The following SLC9A1 variants were observed in gnomAD, a reference collection of about 807,000 sequenced individuals.
SLC9A1 encodes solute carrier family 9 member A1.
Under a neutral mutation model 67.9 loss-of-function variants are expected in SLC9A1, and 22 were observed. That is an observed-to-expected ratio of 0.32 (90% CI 0.23 to 0.46). SLC9A1 has a LOEUF of 0.46. Ranked by LOEUF, SLC9A1 falls within the 20% of genes least tolerant of loss-of-function variation. SLC9A1 has a pLI of 1.00. For synonymous variants in SLC9A1, 421 were observed against 471.8 expected (o/e 0.89, Z 1.40); for missense variants, 686 against 1,094.8 (o/e 0.63, Z 5.27).
chr1:27,130,262 G>A (rs1330039732), intron 1 of SLC9A1, among the ~76,000 whole-genome samples: 2 of 152,100 alleles, frequency 1.3e-5, no homozygotes, highest in East Asian at 1.9e-4. Flanking sequence ...CACCACACTC[G>A]GTTAATTTTT....
intron 1 of SLC9A1, among the ~76,000 whole-genome samples, chr1:27,134,296 C>CAGATA (rs2083404892): frequency 6.6e-6 from 1 of 152,172 alleles, no homozygotes; most frequent in Non-Finnish European, 1.5e-5. Context: ...AGTTTCCTCA[C>CAGATA]AGATAAGATG....
chr1:27,123,196 T>C (rs2083316740), intron 1 of SLC9A1, among the ~76,000 whole-genome samples: 1 of 152,172 alleles, frequency 6.6e-6, no homozygotes, highest in Non-Finnish European at 1.5e-5. Context: ...GTCATTAAAA[T>C]TTTTTTCTAA....
chr1:27,103,454 C>G lies in SLC9A1; in HGVS notation c.1486-142G>C, dbSNP rs571283053. On this transcript the variant is annotated intron_variant, in intron 5 of 11. Coordinates refer to ENST00000263980, the MANE Select transcript of SLC9A1 (RefSeq NM_003047.5). The stretch of plus-strand genomic sequence containing the variant: ...CTCCCAGGACCCAAGGGTGTGAGAA[C>G]TCTCCCACCTCCCAGCACTTATCTA... The G allele has an allele frequency of 1.7e-5, 12 of 688,586 alleles. No individual in the cohort carries two copies. In the African/African-American group the frequency reaches 1.8e-4, roughly 10 times the overall value. The allele number at this position is 688,586 out of a possible 1,614,324, so 42.7% of individuals were successfully genotyped here.
At position 27,137,313 on chromosome 1, in the gene SLC9A1, A is replaced by C. The variant is rs142199051; in HGVS notation, c.352+16670T>G. 3.6e-3 allele frequency among the ~76,000 whole-genome samples: 542 copies of C among 152,312 alleles called. 1 individual carries two copies. The highest frequency in any genetic ancestry group is 6.9e-3 in the Admixed American group (105 of 15,310). On this transcript the variant is annotated intron_variant, in intron 1 of 11. Coordinates refer to ENST00000263980, the MANE Select transcript of SLC9A1 (RefSeq NM_003047.5). This position sits in a 1 kb window ranked among gnomAD's most constrained non-coding sequence, Gnocchi z 4.6. Reference sequence around the variant, plus strand: ...AGCATCACAGGAGAGCCTGGACTAGAGGTCGGGGAGCTGAGCTCAATGCAG... The same window carrying C: ...AGCATCACAGGAGAGCCTGGACTAGCGGTCGGGGAGCTGAGCTCAATGCAG...
At chr1:27,116,249 A>G (rs886708966) in intron 1 of SLC9A1, among the ~76,000 whole-genome samples, 2 of 152,134 alleles carry the variant, frequency 1.3e-5, no homozygotes, top group South Asian at 2.1e-4. Context: ...ATTCCCAGCT[A>G]CTTGGGAGGC....
rs2083117284 is a variant in SLC9A1, at chr1:27,098,959, G to A, written c.*1348C>T. 6.5e-6 allele frequency: 1 copy of A among 152,686 alleles called. No individual in the cohort carries two copies. Among genetic ancestry groups the A allele is most frequent in the Admixed American group, 6.5e-5 (1 of 15,282 alleles). The allele number at this position is 152,686 out of a possible 1,614,324, so 9.5% of individuals were successfully genotyped here. ...ACTCCTGCCCAAACAGCACTTGCATGGAGAGGAGGATGGACAGATGGGCCG... is the reference window on the plus strand; with the variant it reads ...ACTCCTGCCCAAACAGCACTTGCATAGAGAGGAGGATGGACAGATGGGCCG... On this transcript the variant is annotated 3_prime_UTR_variant, in exon 12 of 12. Coordinates refer to ENST00000263980, the MANE Select transcript of SLC9A1 (RefSeq NM_003047.5).
chr1:27,146,202 AG>A (rs1371938116), intron 1 of SLC9A1, among the ~76,000 whole-genome samples: 1 of 152,144 alleles, frequency 6.6e-6, no homozygotes, highest in Non-Finnish European at 1.5e-5. Flanking sequence ...TCAGGAGGAA[AG>A]GGGGCAGGTG....
intron 1 of SLC9A1, among the ~76,000 whole-genome samples, chr1:27,128,146 C>T (rs1166716352): frequency 2.0e-5 from 3 of 152,214 alleles, no homozygotes; most frequent in Non-Finnish European, 2.9e-5. Flanking sequence ...GAGGCAGCAG[C>T]GGGCAGCGTA....
At chr1:27,139,213 G>A (rs1204658934) in intron 1 of SLC9A1, among the ~76,000 whole-genome samples, 1 of 152,098 alleles carries the variant, frequency 6.6e-6, no homozygotes, top group Non-Finnish European at 1.5e-5. Flanking sequence ...AGCCTTAACC[G>A]GTGTCACGGC....
At chr1:27,125,653 G>A (rs988939591) in intron 1 of SLC9A1, among the ~76,000 whole-genome samples, 5 of 151,518 alleles carry the variant, frequency 3.3e-5, no homozygotes, top group African/African-American at 1.2e-4. Context: ...GGAGTGCAGT[G>A]GCGCAATCTT....
intron 1 of SLC9A1, among the ~76,000 whole-genome samples, chr1:27,146,690 G>T (rs1043492236): frequency 6.6e-6 from 1 of 151,908 alleles, no homozygotes; most frequent in African/African-American, 2.4e-5. Context: ...GAGGTGGGGG[G>T]ATTGCCTGGA....
chr1:27,140,280 C>T (rs937630615), intron 1 of SLC9A1, among the ~76,000 whole-genome samples: 1 of 152,082 alleles, frequency 6.6e-6, no homozygotes, highest in African/African-American at 2.4e-5. Context: ...TATATTTATC[C>T]ATCTTTCCAT....
intron 1 of SLC9A1, among the ~76,000 whole-genome samples, chr1:27,123,993 T>C (rs2083323921): frequency 6.6e-6 from 1 of 152,116 alleles, no homozygotes; most frequent in East Asian, 1.9e-4. Flanking sequence ...CCGGCTAATT[T>C]TGTATTTCAA....
At position 27,109,905 on chromosome 1, in the gene SLC9A1, G is replaced by T. The variant is rs999946578; in HGVS notation, c.814-128C>A. ...CACAAGAAGAGGCCACACGGTAGCAGAGAAACCCTAGTGCCAAGCAGGTGC... is the reference window on the plus strand; with the variant it reads ...CACAAGAAGAGGCCACACGGTAGCATAGAAACCCTAGTGCCAAGCAGGTGC... On this transcript the variant is annotated intron_variant, in intron 2 of 11. Coordinates refer to ENST00000263980, the MANE Select transcript of SLC9A1 (RefSeq NM_003047.5). This position sits in a 1 kb window ranked among gnomAD's most constrained non-coding sequence, Gnocchi z 5.5. 28 of 1,114,810 alleles carry T rather than the reference G, an allele frequency of 2.5e-5. No homozygotes were observed. Among genetic ancestry groups the T allele is most frequent in the Non-Finnish European group, 3.4e-5 (26 of 775,006 alleles). 69.1% of individuals were successfully genotyped at this position (1,114,810 alleles called of 1,614,324 possible). A position where few individuals can be genotyped will look rare whatever the true frequency, so the allele number is the denominator to read the frequency against.
chr1:27,116,873 G>A (rs1366434217), intron 1 of SLC9A1, among the ~76,000 whole-genome samples: 1 of 151,942 alleles, frequency 6.6e-6, no homozygotes, highest in Non-Finnish European at 1.5e-5. Context: ...ATCCTCTTTT[G>A]CCTGCCAATC....
intron 1 of SLC9A1, among the ~76,000 whole-genome samples, chr1:27,138,753 G>C (rs1385379984): frequency 1.3e-5 from 2 of 152,182 alleles, no homozygotes; most frequent in Non-Finnish European, 2.9e-5. Flanking sequence ...CTGGAACAGG[G>C]AAAGGGTAGT....
At chr1:27,105,806 C>A in intron 5 of SLC9A1, 79 bp downstream of exon 5, 1 of 1,285,486 alleles carries the variant, frequency 7.8e-7, no homozygotes, top group Non-Finnish European at 1.1e-6. Flanking sequence ...CATTTCAAAT[C>A]ACACGCTTTC....
chr1:27,120,458 C>T (rs187586840), intron 1 of SLC9A1, among the ~76,000 whole-genome samples: 1 of 151,192 alleles, frequency 6.6e-6, no homozygotes, highest in African/African-American at 2.4e-5. Context: ...TAGCAGCCAG[C>T]TGGGGGTGGC....
At chr1:27,136,528 AC>A (rs2083421450) in intron 1 of SLC9A1, among the ~76,000 whole-genome samples, 1 of 136,304 alleles carries the variant, frequency 7.3e-6, no homozygotes, top group Admixed American at 6.9e-5. Context: ...CGAGGATAAG[AC>A]CAGGAGTTTT....
Sources: allele counts gnomAD v4.1 joint callset (sites outside exome capture counted in the v4.1 genomes callset), GRCh38; gene constraint gnomAD v4.1.1; non-coding constraint Gnocchi (gnomAD v3.1); transcripts MANE v1.5; gene names NCBI Gene and HGNC (gene_info 2026-07-23, HGNC 2026-07-21).